FCSK: variants seen among roughly 807,000 people sequenced by gnomAD.
FCSK encodes the protein fucose kinase.
FCSK carries 123 observed loss-of-function variants against 122.5 expected under a neutral mutation model. That is an observed-to-expected ratio of 1.00 (90% CI 0.87 to 1.17). The LOEUF (loss-of-function observed/expected upper bound fraction) is 1.17. Ranked by LOEUF, FCSK falls within the 50% of genes most tolerant of loss-of-function variation. FCSK has a pLI of 0.00. For missense variants in FCSK, 1,366 were observed against 1,450.4 expected (o/e 0.94, Z 0.95); for synonymous variants, 620 against 625.5 (o/e 0.99, Z 0.13).
intron 10 of FCSK, 29 bp downstream of exon 10, chr16:70,469,352 T>C: frequency 3.2e-6 from 5 of 1,555,588 alleles, no homozygotes; most frequent in Non-Finnish European, 4.3e-6. Context: ...CTCCCTGGGG[T>C]GGGGAGACCA....
chr16:70,458,269 C>A (rs1001436567), intron 1 of FCSK, among the ~76,000 whole-genome samples: 1 of 150,680 alleles, frequency 6.6e-6, no homozygotes, highest in African/African-American at 2.4e-5. Context: ...AAGCGATTCT[C>A]CTGCCTCAGC....
chr16:70,465,060 C>A (rs755087617), intron 3 of FCSK, 66 bp from the exon 4 acceptor site: 2 of 1,597,698 alleles, frequency 1.3e-6, no homozygotes, highest in Admixed American at 3.4e-5. Context: ...TCTCTGGATT[C>A]GAGGGTGCCA....
Position 70,466,907 on chromosome 16 carries a change from T to C in FCSK, c.437T>C (p.Val146Ala). The C allele has an allele frequency of 6.2e-7, 1 of 1,613,898 alleles. No homozygotes were observed. Among genetic ancestry groups the C allele is most frequent in the Non-Finnish European group, 8.5e-7 (1 of 1,180,008 alleles). The stretch of plus-strand genomic sequence containing the variant: ...CTGGGCCCGGGCTCCCCGCCAGGCG[T>C]GTGGGTCTGCAGCACCGACATGCTG... Reference protein sequence around the residue: ...YRLGPGSPPGVWVCSTDMLLS... With the variant: ...YRLGPGSPPGAWVCSTDMLLS... Residue 146 changes from valine (V) to alanine (A), a missense_variant, in exon 6 of 24, where the codon GTG becomes GCG. Coordinates refer to ENST00000288078, the MANE Select transcript of FCSK (RefSeq NM_145059.3).
At chr16:70,461,628 A>T (rs2048267515) in intron 1 of FCSK, among the ~76,000 whole-genome samples, 1 of 152,128 alleles carries the variant, frequency 6.6e-6, no homozygotes, top group Non-Finnish European at 1.5e-5. Context: ...CTCTGAGTGC[A>T]TATGCGCTCC....
In FCSK at chr16:70,466,877, CA is replaced by C; in HGVS notation, c.412-4del. ...CAGCTGTGTTCTGTCTCCTTCCCCCCACAGCTGGGCCCGGGCTCCCCGCCAG... is the reference window on the plus strand; with the variant it reads ...CAGCTGTGTTCTGTCTCCTTCCCCCCCAGCTGGGCCCGGGCTCCCCGCCAG... On this transcript the variant is annotated splice_region_variant and splice_polypyrimidine_tract_variant and intron_variant, in intron 5 of 23. Transcript: ENST00000288078. The C allele has an allele frequency of 1.2e-6, 2 of 1,612,806 alleles. No individual in the cohort carries two copies. The highest frequency in any genetic ancestry group is 1.7e-5 in the Admixed American group (1 of 59,972).
At chr16:70,477,965 G>C in intron 20 of FCSK, 1 of 334,104 alleles carries the variant, frequency 3.0e-6, no homozygotes, top group Non-Finnish European at 5.5e-6. Context: ...TTACAGGCGT[G>C]TGCCACCGTG....
rs1387455904 is a variant in FCSK, at chr16:70,474,813, C to T, written c.2179C>T (p.Leu727Phe). The T allele has an allele frequency of 6.3e-7, 1 of 1,585,392 alleles. No homozygotes were observed. The highest frequency in any genetic ancestry group is 8.6e-7 in the Non-Finnish European group (1 of 1,166,092). ...AGGGGGCTGGAGTGACACGCCACCC[C>T]TTGCCTATGAGCTTGGCGGGGCTGT... The part of the protein sequence containing the change: ...FSGGWSDTPP[L>F]AYELGGAVLG... The change falls in exon 18 of 24, where the codon CTT (leucine) becomes TTT (phenylalanine). Residue 727 changes from leucine to phenylalanine, a missense_variant. Physicochemically the swap from Leu to Phe is conservative, Grantham distance 22. Transcript: ENST00000288078.
rs11860625 is a variant in FCSK at position 70,479,469 on chromosome 16, G to A, written c.3153+66G>A. ...CAAGAGACCTCACTGTGGCCCACCA[G>A]TTAACCAGGGGCTATATCTGTAAGT... On this transcript the variant is annotated intron_variant, in intron 23 of 23. Transcript: ENST00000288078. The A allele has an allele frequency of 7.5e-3, 11,260 of 1,507,216 alleles. 762 individuals carry two copies. The African/African-American group carries it at 0.14, about 18-fold the overall frequency. The allele number at this position is 1,507,216 out of a possible 1,614,324, so 93.4% of individuals were successfully genotyped here.
chr16:70,473,350 C>A lies in FCSK; in HGVS notation c.1774C>A (p.Gln592Lys). ...CGGGCCCCTGCTGGCCACGCTGGAC[C>A]AGGGTGAGTGTGCAGGCTGGTAGTG... ...CPGPLLATLD[Q>K]VAAGAGDPGV... Residue 592 changes from glutamine (Q) to lysine (K), a missense_variant, in exon 15 of 24, where the codon CAG becomes AAG. Gln to Lys is a moderately conservative substitution (Grantham distance 53). Coordinates refer to ENST00000288078, the MANE Select transcript of FCSK (RefSeq NM_145059.3). This position sits in a 1 kb window ranked among gnomAD's most constrained non-coding sequence, Gnocchi z 4.9. The A allele has an allele frequency of 6.7e-7, 1 of 1,499,168 alleles. No homozygotes were observed. The highest frequency in any genetic ancestry group is 2.5e-5 in the East Asian group (1 of 40,136). The allele number at this position is 1,499,168 out of a possible 1,614,324, so 92.9% of individuals were successfully genotyped here.
intron 8 of FCSK, 127 bp from the exon 9 acceptor site, chr16:70,468,722 G>C (rs2048508441): frequency 8.3e-7 from 1 of 1,208,830 alleles, no homozygotes; most frequent in Non-Finnish European, 1.2e-6. Context: ...GGAGTGGTCA[G>C]AAGGTGACAC....
At chr16:70,457,316 G>A (rs546620936) in intron 1 of FCSK, among the ~76,000 whole-genome samples, 38 of 152,052 alleles carry the variant, frequency 2.5e-4, no homozygotes, top group Non-Finnish European at 4.7e-4. Flanking sequence ...GTGCAGTGGC[G>A]TGATCTTGGC....
At chr16:70,454,664 C>T (rs2048029749) in intron 1 of FCSK, 34 bp downstream of exon 1, 1 of 140,584 alleles carries the variant, frequency 7.1e-6, no homozygotes, top group African/African-American at 2.9e-5. Flanking sequence ...CGCAGCGCCC[C>T]TTGCGCCCCT....
At chr16:70,456,096 C>T (rs766157561) in intron 1 of FCSK, among the ~76,000 whole-genome samples, 1 of 152,098 alleles carries the variant, frequency 6.6e-6, no homozygotes, top group Admixed American at 6.6e-5. Flanking sequence ...CGCTGGAGCC[C>T]GGGAGTTTGA....
intron 20 of FCSK, 34 bp downstream of exon 20, chr16:70,475,801 T>C (rs755268639): frequency 6.6e-7 from 1 of 1,525,546 alleles, no homozygotes; most frequent in African/African-American, 1.4e-5. Context: ...AGGAGGTCAC[T>C]GACACTTTCC....
intron 1 of FCSK, 196 bp downstream of exon 1, chr16:70,454,826 C>G (rs1311265928): frequency 2.0e-5 from 3 of 152,238 alleles, no homozygotes; most frequent in Non-Finnish European, 4.4e-5. Flanking sequence ...GCTCCCGCGT[C>G]CATTTGGCCT....
rs903926620 is a variant in FCSK at position 70,454,731 on chromosome 16, A to T, written c.-23+101A>T. 3 of 151,724 alleles carry T rather than the reference A, an allele frequency of 2.0e-5. No individual in the cohort carries two copies. The East Asian group carries it at 5.9e-4, about 30-fold the overall frequency. The allele number at this position is 151,724 out of a possible 1,614,324, so 9.4% of individuals were successfully genotyped here. On this transcript the variant is annotated intron_variant, in intron 1 of 23. Coordinates refer to ENST00000288078, the MANE Select transcript of FCSK (RefSeq NM_145059.3). Reference sequence around the variant, plus strand: ...GCACCCTCCCTGACTGGGAGCACCGAGTCGACCCGCGGGCCGCCCGGGTCC... The same window carrying T: ...GCACCCTCCCTGACTGGGAGCACCGTGTCGACCCGCGGGCCGCCCGGGTCC...
rs377157126 is a variant in FCSK, at chr16:70,479,266, C to T, written c.3016C>T (p.Arg1006Trp). Residue 1006 changes from arginine to tryptophan, a missense_variant, in exon 23 of 24, where the codon CGG (arginine) becomes TGG (tryptophan). Transcript: ENST00000288078. ...TCCAGGCTGTGAGCCCCTGACTGTG[C>T]GGCGTATGATGGATGTCCTGGCCCC... ...MAPGCEPLTV[R>W]RMMDVLAPHV... is the part of the protein sequence containing the mutation. 191 of 1,613,798 alleles carry T rather than the reference C, an allele frequency of 1.2e-4. No individual in the cohort carries two copies. Among genetic ancestry groups the T allele is most frequent in the Middle Eastern group, 1.6e-4 (1 of 6,084 alleles).
chr16:70,458,146 T>G (rs1436375425), intron 1 of FCSK, among the ~76,000 whole-genome samples: 4 of 151,342 alleles, frequency 2.6e-5, no homozygotes, highest in Admixed American at 2.6e-4. Flanking sequence ...TTATTAATTT[T>G]TTTTCTTTCT....
chr16:70,455,490 CAA>C (rs990281035), intron 1 of FCSK, among the ~76,000 whole-genome samples: 2 of 135,640 alleles, frequency 1.5e-5, no homozygotes, highest in African/African-American at 5.4e-5. Flanking sequence ...GTCTCAAAAA[CAA>C]AACAAAACAA....
Sources: allele counts gnomAD v4.1 joint callset (sites outside exome capture counted in the v4.1 genomes callset), GRCh38; gene constraint gnomAD v4.1.1; non-coding constraint Gnocchi (gnomAD v3.1); transcripts MANE v1.5; gene names NCBI Gene and HGNC (gene_info 2026-07-23, HGNC 2026-07-21).